MYO16: variants seen among roughly 807,000 people sequenced by gnomAD.
MYO16 encodes the protein myosin XVI, also known as unconventional myosin-XVI.
A neutral mutation model predicts 205.3 loss-of-function variants in MYO16; 94 were observed. The ratio of observed to expected loss-of-function variants is 0.46; its 90% CI spans 0.39 to 0.54. The LOEUF (loss-of-function observed/expected upper bound fraction) is 0.54, where lower values mean the gene tolerates loss of function less well. MYO16 is among the 20% of genes least tolerant of loss of function. MYO16 has a pLI of 0.00. For synonymous variants in MYO16, 988 were observed against 954.0 expected (o/e 1.04, Z -0.66); for missense variants, 2,315 against 2,387.5 (o/e 0.97, Z 0.63).
At chr13:109,192,175 C>T (rs1465271706) in intron 34 of MYO16, among the ~76,000 whole-genome samples, 1 of 152,106 alleles carries the variant, frequency 6.6e-6, no homozygotes, top group Non-Finnish European at 1.5e-5. Flanking sequence ...ATTTCTGACT[C>T]TGTTTCTAAA....
intron 32 of MYO16, among the ~76,000 whole-genome samples, chr13:109,160,140 G>A (rs995902664): frequency 2.6e-5 from 4 of 152,144 alleles, no homozygotes; most frequent in South Asian, 2.1e-4. Context: ...CCCATCGCCC[G>A]GTTGTGACAA....
intron 32 of MYO16, among the ~76,000 whole-genome samples, chr13:109,159,062 T>C (rs1878227460): frequency 6.6e-6 from 1 of 152,186 alleles, no homozygotes; most frequent in African/African-American, 2.4e-5. Context: ...TAAAGTACAA[T>C]TTTAAAAAAC....
chr13:109,106,343 C>T (rs1306710734), intron 28 of MYO16, among the ~76,000 whole-genome samples: 1 of 152,112 alleles, frequency 6.6e-6, no homozygotes, highest in African/African-American at 2.4e-5. Context: ...AAATTCAGTG[C>T]TATCTTAAGG....
chr13:109,169,097 C>G (rs1348850002), intron 33 of MYO16, among the ~76,000 whole-genome samples: 1 of 152,170 alleles, frequency 6.6e-6, no homozygotes, highest in African/African-American at 2.4e-5. Flanking sequence ...TTATTTAGCT[C>G]CCACTTATAA....
chr13:108,861,576 G>T (rs865859757), intron 11 of MYO16, among the ~76,000 whole-genome samples: 3 of 152,152 alleles, frequency 2.0e-5, no homozygotes, highest in African/African-American at 7.2e-5. Flanking sequence ...AGCTTTGGTA[G>T]ATACAACCCA....
chr13:109,117,935 A>T (rs773791612), intron 28 of MYO16, among the ~76,000 whole-genome samples: 1 of 152,058 alleles, frequency 6.6e-6, no homozygotes, highest in Non-Finnish European at 1.5e-5. Flanking sequence ...TGTTTTTCCT[A>T]TAGTACTCTT....
intron 16 of MYO16, among the ~76,000 whole-genome samples, chr13:108,912,636 C>T (rs990003593): frequency 6.6e-6 from 1 of 152,054 alleles, no homozygotes; most frequent in African/African-American, 2.4e-5. Context: ...TTGTGATTTT[C>T]TACCTTGAAC....
intron 2 of MYO16, among the ~76,000 whole-genome samples, chr13:108,684,516 T>A (rs1318821979): frequency 6.6e-6 from 1 of 152,168 alleles, no homozygotes; most frequent in Admixed American, 6.5e-5. Context: ...ATATATTTGA[T>A]CTCTGACCTT....
chr13:108,793,663 GA>G, intron 6 of MYO16, 23 bp downstream of exon 6: 1 of 1,597,678 alleles, frequency 6.3e-7, no homozygotes. Flanking sequence ...ATTTGACTCA[GA>G]AACTATTTGA....
At chr13:109,167,528 A>G (rs1463566892) in intron 33 of MYO16, among the ~76,000 whole-genome samples, 4 of 152,198 alleles carry the variant, frequency 2.6e-5, no homozygotes, top group African/African-American at 4.8e-5. Flanking sequence ...GGTGTTATAG[A>G]CAACCTGGAG....
At chr13:108,855,389 A>G (rs1878113924) in intron 10 of MYO16, 54 bp from the exon 11 acceptor site, 3 of 1,112,982 alleles carry the variant, frequency 2.7e-6, no homozygotes, top group Non-Finnish European at 3.8e-6. Context: ...CCAACTGTGA[A>G]GAAAGTTGAT....
At position 108,673,312 on chromosome 13, in the gene MYO16, G is replaced by T. The variant is rs139990253; in HGVS notation, c.292+7163G>T. Among the ~76,000 whole-genome samples, 134 of 150,920 alleles carry T rather than the reference G, an allele frequency of 8.9e-4. 2 individuals are homozygous for T. The East Asian group carries it at 0.021, about 24-fold the overall frequency. On this transcript the variant is annotated intron_variant, in intron 2 of 34. Coordinates refer to ENST00000457511, the MANE Select transcript of MYO16 (RefSeq NM_001198950.3). Reference sequence around the variant, plus strand: ...AAAGGCCAGGAGAAGTATTCTTTATGCTTTGGGGTTTTTCATCTTCTTTCC... The same window carrying T: ...AAAGGCCAGGAGAAGTATTCTTTATTCTTTGGGGTTTTTCATCTTCTTTCC...
chr13:108,729,932 G>A (rs932013129), intron 4 of MYO16, among the ~76,000 whole-genome samples: 1 of 152,170 alleles, frequency 6.6e-6, no homozygotes, highest in African/African-American at 2.4e-5. Context: ...CTGAATTGAT[G>A]AACCAAATTA....
At chr13:108,583,148 G>A in the MYO16 span, among the ~76,000 whole-genome samples, 24 of 152,258 alleles carry the variant, frequency 1.6e-4, no homozygotes, top group African/African-American at 5.3e-4. Flanking sequence ...ATAGGAGCAA[G>A]AATGATTAGC....
At position 108,785,693 on chromosome 13, in the gene MYO16, T is replaced by C. The variant is rs1173047155; in HGVS notation, c.566T>C (p.Val189Ala). 2 of 1,613,794 alleles carry C rather than the reference T, an allele frequency of 1.2e-6. No individual in the cohort carries two copies. The highest frequency in any genetic ancestry group is 1.7e-4 in the Middle Eastern group (1 of 6,058). ...GGAAATATCCCATTAGATTATGCTG[T>C]AGAAGGGACAGAATCCAGCTCTATC... ...VNGNIPLDYAVEGTESSSILL... is the reference protein window; with the variant it reads ...VNGNIPLDYAAEGTESSSILL... The change falls in exon 5 of 35, where the codon GTA becomes GCA. Residue 189 changes from valine to alanine, a missense_variant. Val to Ala is a moderately conservative substitution (Grantham distance 64). Around this residue, in one of 3 missense-constraint regions of MYO16, gnomAD observed 1,213 missense variants for 1,274.4 expected, o/e 0.95. Coordinates refer to ENST00000457511, the MANE Select transcript of MYO16 (RefSeq NM_001198950.3).
intron 1 of MYO16, among the ~76,000 whole-genome samples, chr13:108,657,687 A>G (rs1006494478): frequency 6.6e-6 from 1 of 152,176 alleles, no homozygotes; most frequent in Admixed American, 6.5e-5. Flanking sequence ...TTTGACTTGC[A>G]TTCAGCAAAG....
At chr13:109,010,976 T>TATATA (rs59979915) in intron 22 of MYO16, among the ~76,000 whole-genome samples, 2 of 143,188 alleles carry the variant, frequency 1.4e-5, no homozygotes, top group African/African-American at 2.6e-5. Flanking sequence ...TATATATATA[T>TATATA]TTCTTCACCT....
At chr13:108,710,532 T>G (rs1883680027) in intron 2 of MYO16, among the ~76,000 whole-genome samples, 1 of 152,214 alleles carries the variant, frequency 6.6e-6, no homozygotes, top group South Asian at 2.1e-4. Flanking sequence ...TTCCAGTCAT[T>G]TATTGATCCT....
At chr13:108,879,113 T>A (rs1414711463) in intron 12 of MYO16, among the ~76,000 whole-genome samples, 1 of 152,192 alleles carries the variant, frequency 6.6e-6, no homozygotes, top group African/African-American at 2.4e-5. Context: ...AGAAGTCCCT[T>A]AAACATTAGC....
Sources: gnomAD v4.1 joint callset for allele counts (sites outside exome capture counted in the v4.1 genomes callset) on GRCh38, gnomAD v4.1.1 for gene constraint, gnomAD v4.1.1 regional missense constraint, MANE v1.5 for transcripts, NCBI Gene and HGNC (gene_info 2026-07-23, HGNC 2026-07-21) for gene names.